Variants in HIVEP2 observed in about 807,000 individuals in gnomAD.
The protein encoded by HIVEP2 is HIVEP zinc finger 2.
HIVEP2 carries 14 observed loss-of-function variants against 180.7 expected under a neutral mutation model. The observed-to-expected ratio is 0.08, with a 90% CI of 0.05 to 0.12. The LOEUF (loss-of-function observed/expected upper bound fraction) is 0.12, where lower values mean the gene tolerates loss of function less well. HIVEP2 is among the 10% of genes least tolerant of loss of function. HIVEP2 has a pLI of 1.00. For missense variants in HIVEP2, 2,579 were observed against 3,008.5 expected, an observed-to-expected ratio of 0.86 and a Z score of 3.34; for synonymous variants, 1,184 against 1,136.4, an observed-to-expected ratio of 1.04 and a Z score of -0.84.
rs1163409676 is a variant in HIVEP2, at chr6:142,772,136, T to C, written c.2603A>G (p.Gln868Arg). 1.9e-6 allele frequency: 3 copies of C among 1,614,218 alleles called. No homozygotes were observed. The highest frequency in any genetic ancestry group is 2.2e-5 in the East Asian group (1 of 44,890). ...TGTGTGATAGGACTGCTGCTGCACCTGCTGAGATGGAGAGGGTTTCCCCCC... is the reference window on the plus strand; with the variant it reads ...TGTGTGATAGGACTGCTGCTGCACCCGCTGAGATGGAGAGGGTTTCCCCCC... ...ESGGKPSPSQ[Q>R]VQQQSYHTQP... is the part of the protein sequence containing the mutation. The change falls in exon 5 of 10, where the codon CAG becomes CGG. Residue 868 changes from glutamine (Q) to arginine (R), a missense_variant. Coordinates refer to ENST00000367603, the MANE Select transcript of HIVEP2 (RefSeq NM_006734.4). The surrounding 1 kb of genome is among the most constrained non-coding windows in gnomAD (Gnocchi z 4.9).
intron 1 of HIVEP2, among the ~76,000 whole-genome samples, chr6:142,898,928 A>G (rs1017783842): frequency 3.3e-5 from 5 of 152,112 alleles, no homozygotes; most frequent in Admixed American, 6.5e-5. Flanking sequence ...TCGCTTGAAT[A>G]TTACTGTAAT....
Position 142,774,460 on chromosome 6 carries a change from T to C in HIVEP2, c.279A>G (p.Ser93=), listed in dbSNP as rs1461605766. The change falls in exon 5 of 10, where the codon TCA becomes TCG. Residue 93 remains serine, a synonymous_variant. Coordinates refer to ENST00000367603, the MANE Select transcript of HIVEP2 (RefSeq NM_006734.4). The surrounding 1 kb of genome is among the most constrained non-coding windows in gnomAD (Gnocchi z 5.1). The part of the protein sequence containing the change: ...QYPPHRPSPY[S]CQHSLSFPQH... ...GAGGGAAAGAGAGTGAGTGTTGGCA[T>C]GAGTAAGGACTCGGACGATGCGGTG... 2 of 1,614,204 alleles carry C rather than the reference T, an allele frequency of 1.2e-6. No homozygotes were observed. Among genetic ancestry groups the C allele is most frequent in the Admixed American group, 3.3e-5 (2 of 60,036 alleles).
At chr6:142,853,662 T>A (rs1157378389) in intron 1 of HIVEP2, among the ~76,000 whole-genome samples, 3 of 152,180 alleles carry the variant, frequency 2.0e-5, no homozygotes, top group African/African-American at 7.2e-5. Context: ...TGAAACTGCC[T>A]TTTCCTACAA....
At chr6:142,831,140 T>C (rs1775069429) in intron 2 of HIVEP2, among the ~76,000 whole-genome samples, 1 of 152,116 alleles carries the variant, frequency 6.6e-6, no homozygotes, top group Non-Finnish European at 1.5e-5. Context: ...TCGAGGGTCC[T>C]AAGAAAAACA....
At chr6:142,891,470 C>T (rs1776860671) in intron 1 of HIVEP2, among the ~76,000 whole-genome samples, 1 of 151,984 alleles carries the variant, frequency 6.6e-6, no homozygotes, top group Non-Finnish European at 1.5e-5. Context: ...CCCACACTCA[C>T]TTAGCAGATC....
chr6:142,803,598 A>ACACACACAC (rs1252252380), intron 2 of HIVEP2, among the ~76,000 whole-genome samples: 1 of 41,822 alleles, frequency 2.4e-5, no homozygotes, highest in Non-Finnish European at 6.9e-5. Context: ...CACACACACA[A>ACACACACAC]AACTCAGGAC....
At chr6:142,861,693 C>G (rs1353814798) in intron 1 of HIVEP2, among the ~76,000 whole-genome samples, 2 of 152,128 alleles carry the variant, frequency 1.3e-5, no homozygotes, top group Non-Finnish European at 2.9e-5. Context: ...TTTGCCCTCT[C>G]CCTCCAAACA....
chr6:142,894,508 C>T (rs1776935963), intron 1 of HIVEP2, among the ~76,000 whole-genome samples: 1 of 152,148 alleles, frequency 6.6e-6, no homozygotes, highest in Admixed American at 6.5e-5. Context: ...CTGAATAAAG[C>T]TCAAGACAAC....
Position 142,783,326 on chromosome 6 carries a change from C to CAAAAA in HIVEP2, c.-433+190_-433+194dup, listed in dbSNP as rs567202980. On this transcript the variant is annotated intron_variant, in intron 3 of 9. Coordinates refer to ENST00000367603, the MANE Select transcript of HIVEP2 (RefSeq NM_006734.4). ...CTAGCGACAGAGCAAGACTCCGTCA[C>CAAAAA]AAAAAAAAAAAAAAAAAAAAAAAAA... Among the ~76,000 whole-genome samples the CAAAAA allele has an allele frequency of 3.8e-3, 268 of 70,960 alleles. 17 individuals are homozygous for CAAAAA. The highest frequency in any genetic ancestry group is 9.9e-3 in the African/African-American group (175 of 17,628). 46.6% of individuals were successfully genotyped at this position (70,960 alleles called of 152,430 possible).
intron 3 of HIVEP2, among the ~76,000 whole-genome samples, chr6:142,777,198 A>G (rs1357953156): frequency 6.6e-6 from 1 of 152,234 alleles, no homozygotes; most frequent in African/African-American, 2.4e-5. Flanking sequence ...TACTTGCACA[A>G]GCGCACACCA....
chr6:142,942,337 TTTAAA>T (rs1778199758), intron 1 of HIVEP2, among the ~76,000 whole-genome samples: 1 of 152,122 alleles, frequency 6.6e-6, no homozygotes, highest in Admixed American at 6.5e-5. Flanking sequence ...GATTTTTCAT[TTTAAA>T]TTAAATCAGC....
chr6:142,852,297 C>T (rs923621062), intron 1 of HIVEP2, among the ~76,000 whole-genome samples: 1 of 152,040 alleles, frequency 6.6e-6, no homozygotes, highest in Non-Finnish European at 1.5e-5. Flanking sequence ...AGTAGCATTT[C>T]GCTTTTTTTA....
chr6:142,777,752 A>C (rs1015306511), intron 3 of HIVEP2, among the ~76,000 whole-genome samples: 34 of 149,936 alleles, frequency 2.3e-4, no homozygotes, highest in African/African-American at 8.1e-4. Flanking sequence ...CATGACTTTC[A>C]GTAAGTTTAA....
At chr6:142,780,290 A>G (rs1436015128) in intron 3 of HIVEP2, among the ~76,000 whole-genome samples, 1 of 152,184 alleles carries the variant, frequency 6.6e-6, no homozygotes, top group Non-Finnish European at 1.5e-5. Context: ...CTTTGTGCCT[A>G]AGCTGGAGGT....
intron 3 of HIVEP2, among the ~76,000 whole-genome samples, chr6:142,778,644 A>G (rs1775765175): frequency 6.6e-6 from 1 of 152,070 alleles, no homozygotes; most frequent in Non-Finnish European, 1.5e-5. Context: ...TTTCATATAC[A>G]TTGTCTTATT....
intron 1 of HIVEP2, among the ~76,000 whole-genome samples, chr6:142,881,808 T>C (rs1467028642): frequency 6.6e-6 from 1 of 152,200 alleles, no homozygotes; most frequent in East Asian, 1.9e-4. Context: ...ATGAAAGTCC[T>C]TCCTAAAAGC....
intron 1 of HIVEP2, among the ~76,000 whole-genome samples, chr6:142,871,069 C>G (rs944048910): frequency 1.3e-5 from 2 of 152,166 alleles, no homozygotes; most frequent in African/African-American, 4.8e-5. Flanking sequence ...CATGGTTCTA[C>G]CAGTGATTTT....
intron 2 of HIVEP2, among the ~76,000 whole-genome samples, chr6:142,803,548 C>G (rs550018805): frequency 9.4e-6 from 1 of 106,026 alleles, no homozygotes; most frequent in African/African-American, 3.2e-5. Context: ...AATACCCCAA[C>G]TATATATATA....
chr6:142,869,335 A>T (rs894268903), intron 1 of HIVEP2, among the ~76,000 whole-genome samples: 2 of 152,208 alleles, frequency 1.3e-5, no homozygotes, highest in African/African-American at 4.8e-5. Flanking sequence ...AAAGTATATT[A>T]TAGCTAATCA....
Sources: gnomAD v4.1 joint callset for allele counts (sites outside exome capture counted in the v4.1 genomes callset) on GRCh38, gnomAD v4.1.1 for gene constraint, Gnocchi (gnomAD v3.1) non-coding constraint, MANE v1.5 for transcripts, NCBI Gene and HGNC (gene_info 2026-07-23, HGNC 2026-07-21) for gene names.